PTPRD: variants seen among roughly 807,000 people sequenced by gnomAD.
PTPRD encodes protein tyrosine phosphatase receptor type D.
PTPRD carries 34 observed loss-of-function variants against 214.5 expected under a neutral mutation model. The observed-to-expected ratio is 0.16, with a 90% CI of 0.12 to 0.21. PTPRD has a LOEUF of 0.21. Ranked by LOEUF, PTPRD falls within the 10% of genes least tolerant of loss-of-function variation. PTPRD has a pLI of 1.00. For synonymous variants in PTPRD, 1,128 were observed against 845.7 expected (o/e 1.33, Z -5.79); for missense variants, 2,545 against 2,398.7 (o/e 1.06, Z -1.27).
chr9:9,886,759 C>A (rs2071085858), intron 5 of PTPRD, among the ~76,000 whole-genome samples: 1 of 152,152 alleles, frequency 6.6e-6, no homozygotes, highest in South Asian at 2.1e-4. Flanking sequence ...TTTGCTGGAA[C>A]ACTTGCCAGT....
chr9:8,894,082 G>A lies in PTPRD; in HGVS notation c.-104+124615C>T, dbSNP rs148495421. On this transcript the variant is annotated intron_variant, in intron 11 of 45. Transcript: ENST00000381196. ...AGAATAACCAATCTAGGCCAGGTGC[G>A]GTGGCTCATGCCTGTAATCCCAGCA... Among the ~76,000 whole-genome samples, 12 of 152,198 alleles carry A rather than the reference G, an allele frequency of 7.9e-5. No individual in the cohort carries two copies. In the East Asian group the frequency reaches 1.4e-3, roughly 17 times the overall value.
rs1461777092 is a variant in PTPRD at position 8,376,052 on chromosome 9, C to A, written c.4545G>T (p.Gln1515His). The A allele has an allele frequency of 1.9e-6, 3 of 1,612,766 alleles. No individual in the cohort carries two copies. The highest frequency in any genetic ancestry group is 2.5e-6 in the Non-Finnish European group (3 of 1,179,252). ...SSEKREVRQF[Q>H]FTAWPDHGVP... ...CACCATGATCAGGCCAGGCGGTGAA[C>A]TGGAATTGTCTCACTTCTCTCTTCT... Residue 1515 changes from glutamine to histidine, a missense_variant, in exon 39 of 46, where the codon CAG becomes CAT. By Grantham distance (24) the Gln-to-His change is conservative. Coordinates refer to ENST00000381196, the MANE Select transcript of PTPRD (RefSeq NM_002839.4).
intron 10 of PTPRD, among the ~76,000 whole-genome samples, chr9:9,042,735 T>C (rs953535678): frequency 2.6e-5 from 4 of 151,286 alleles, no homozygotes; most frequent in Non-Finnish European, 4.4e-5. Context: ...GACCATATTC[T>C]AAAGAAGTTG....
intron 43 of PTPRD, among the ~76,000 whole-genome samples, chr9:8,332,490 C>G (rs997532246): frequency 2.0e-5 from 3 of 152,068 alleles, no homozygotes; most frequent in South Asian, 4.1e-4. Context: ...CCCTGGCTGA[C>G]CACAGGAATT....
intron 5 of PTPRD, 34 bp downstream of exon 5, chr9:9,938,473 G>A (rs972468157): frequency 1.3e-4 from 20 of 152,142 alleles, no homozygotes; most frequent in African/African-American, 4.3e-4. Flanking sequence ...CTTGTGTCAT[G>A]GGAAACTAGC....
intron 10 of PTPRD, among the ~76,000 whole-genome samples, chr9:9,085,306 T>C (rs371838414): frequency 2.6e-5 from 4 of 152,188 alleles, no homozygotes; most frequent in Non-Finnish European, 5.9e-5. Flanking sequence ...ACTTTTACCA[T>C]TAAGTGTGAA....
intron 9 of PTPRD, among the ~76,000 whole-genome samples, chr9:9,227,941 A>T (rs1450454505): frequency 6.6e-6 from 1 of 152,084 alleles, no homozygotes; most frequent in Non-Finnish European, 1.5e-5. Flanking sequence ...ATGAGATAAT[A>T]TTTTGGTGGT....
intron 3 of PTPRD, among the ~76,000 whole-genome samples, chr9:10,326,519 G>T (rs1398193047): frequency 6.6e-6 from 1 of 151,518 alleles, no homozygotes; most frequent in Non-Finnish European, 1.5e-5. Context: ...TGTTGTTGTT[G>T]TTGTTAAATC....
chr9:9,617,895 AC>A (rs1480339968), intron 7 of PTPRD, among the ~76,000 whole-genome samples: 1 of 151,536 alleles, frequency 6.6e-6, no homozygotes, highest in East Asian at 1.9e-4. Context: ...ACATGGTGAA[AC>A]CCTGTCTCTA....
chr9:9,484,945 A>C (rs914078966), intron 8 of PTPRD, among the ~76,000 whole-genome samples: 6 of 152,182 alleles, frequency 3.9e-5, no homozygotes, highest in Non-Finnish European at 8.8e-5. Context: ...GAAAGCAAAA[A>C]CTATCAAAGT....
chr9:8,893,247 A>G (rs1341143747), intron 11 of PTPRD, among the ~76,000 whole-genome samples: 1 of 152,202 alleles, frequency 6.6e-6, no homozygotes, highest in African/African-American at 2.4e-5. Flanking sequence ...AATAAGGAAA[A>G]GATGTGAACA....
At chr9:8,655,344 A>C (rs990603131) in intron 12 of PTPRD, among the ~76,000 whole-genome samples, 4 of 152,182 alleles carry the variant, frequency 2.6e-5, no homozygotes, top group South Asian at 2.1e-4. Flanking sequence ...TGATCGCAGA[A>C]AGGCTGATGT....
chr9:10,599,148 C>T (rs1335522822), intron 2 of PTPRD, among the ~76,000 whole-genome samples: 3 of 151,472 alleles, frequency 2.0e-5, no homozygotes, highest in African/African-American at 7.3e-5. Context: ...CAAATCTGAC[C>T]CTGTAGATGA....
rs555252412 is a variant in PTPRD, at chr9:10,611,492, T to C, written c.-600+906A>G. On this transcript the variant is annotated intron_variant, in intron 2 of 45. Coordinates refer to ENST00000381196, the MANE Select transcript of PTPRD (RefSeq NM_002839.4). ...ATATTGGCAAATGTTAGACTACATGTTTTTTATATATATGTATAATGAACT... is the reference window on the plus strand; with the variant it reads ...ATATTGGCAAATGTTAGACTACATGCTTTTTATATATATGTATAATGAACT... 2.6e-3 allele frequency among the ~76,000 whole-genome samples: 390 copies of C among 152,306 alleles called. 3 individuals carry two copies. The highest frequency in any genetic ancestry group is 8.7e-3 in the African/African-American group (360 of 41,560).
chr9:9,463,798 A>C (rs1391817886), intron 8 of PTPRD, among the ~76,000 whole-genome samples: 1 of 152,098 alleles, frequency 6.6e-6, no homozygotes, highest in East Asian at 1.9e-4. Context: ...ACAGAAGTTT[A>C]CTATCCTAAG....
chr9:8,323,515 A>G (rs1398659429), intron 44 of PTPRD, among the ~76,000 whole-genome samples: 1 of 152,186 alleles, frequency 6.6e-6, no homozygotes, highest in East Asian at 1.9e-4. Context: ...ATCAACAGTA[A>G]CAGGAGTTTG....
At chr9:8,528,014 C>T (rs1429289165) in intron 15 of PTPRD, 1 of 160,482 alleles carries the variant, frequency 6.2e-6, no homozygotes, top group African/African-American at 2.4e-5. Flanking sequence ...CATCTGGTTA[C>T]TCATGAGATA....
intron 20 of PTPRD, 79 bp downstream of exon 20, chr9:8,521,198 C>T (rs1417425832): frequency 3.0e-5 from 44 of 1,472,600 alleles, no homozygotes; most frequent in Non-Finnish European, 3.9e-5. Context: ...TTTAGATTTT[C>T]AAGGATGGGC....
At chr9:8,469,291 CT>C (rs1326336232) in intron 31 of PTPRD, among the ~76,000 whole-genome samples, 3 of 152,022 alleles carry the variant, frequency 2.0e-5, no homozygotes, top group African/African-American at 7.2e-5. Flanking sequence ...GAATCACTTT[CT>C]ATTACTTACT....
Sources: allele counts gnomAD v4.1 joint callset (sites outside exome capture counted in the v4.1 genomes callset), GRCh38; gene constraint gnomAD v4.1.1; transcripts MANE v1.5; gene names NCBI Gene and HGNC (gene_info 2026-07-23, HGNC 2026-07-21).